The following ATP10B variants were observed in gnomAD, a reference collection of about 807,000 sequenced individuals.
ATP10B encodes ATPase phospholipid transporting 10B (putative).
In ATP10B, 122 loss-of-function variants were observed where a neutral mutation model predicts 141.2. The ratio of observed to expected loss-of-function variants is 0.86; its 90% confidence interval spans 0.75 to 1.00. The LOEUF is 1.00. Ranked by LOEUF, ATP10B falls within the 50% of genes least tolerant of loss-of-function variation. The pLI, the probability that ATP10B is intolerant of heterozygous loss-of-function variation, is 0.00. For synonymous variants in ATP10B, 685 were observed against 692.0 expected (o/e 0.99, Z 0.16); for missense variants, 1,876 against 1,825.3 (o/e 1.03, Z -0.51).
chr5:160,566,426 C>T (rs994067133), intron 25 of ATP10B, among the ~76,000 whole-genome samples: 8 of 152,188 alleles, frequency 5.3e-5, no homozygotes, highest in South Asian at 2.1e-4. Flanking sequence ...TTAGAATCCA[C>T]ATTCTTTTCT....
chr5:160,642,715 G>A (rs1466832572), intron 9 of ATP10B, among the ~76,000 whole-genome samples: 2 of 152,210 alleles, frequency 1.3e-5, no homozygotes, highest in South Asian at 2.1e-4. Context: ...CGGGCCTGAT[G>A]TATTCCAACT....
chr5:160,583,923 C>T (rs1444551857), intron 24 of ATP10B, among the ~76,000 whole-genome samples: 1 of 152,154 alleles, frequency 6.6e-6, no homozygotes, highest in African/African-American at 2.4e-5. Context: ...CTGCTGTGCT[C>T]GCAGTGAGAA....
At chr5:160,823,856 A>G (rs1402969100) in intron 1 of ATP10B, among the ~76,000 whole-genome samples, 1 of 152,092 alleles carries the variant, frequency 6.6e-6, no homozygotes, top group Non-Finnish European at 1.5e-5. Flanking sequence ...AAAATAACAT[A>G]TTTCATATAG....
the ATP10B span, among the ~76,000 whole-genome samples, chr5:160,907,206 T>C: frequency 6.6e-6 from 1 of 152,168 alleles, no homozygotes; most frequent in Non-Finnish European, 1.5e-5. Flanking sequence ...CAATAAAAGC[T>C]ACCTGAAATC....
chr5:160,616,612 C>T (rs1758014977), intron 16 of ATP10B, among the ~76,000 whole-genome samples: 1 of 152,234 alleles, frequency 6.6e-6, no homozygotes, highest in Non-Finnish European at 1.5e-5. Flanking sequence ...CTAGTGGCCA[C>T]ATCTTCTTCC....
In ATP10B at chr5:160,686,112, G is replaced by A; in HGVS notation, c.437C>T (p.Ala146Val). 1 of 1,597,496 alleles carries A rather than the reference G, an allele frequency of 6.3e-7. No homozygotes were observed. The highest frequency in any genetic ancestry group is 1.7e-5 in the Admixed American group (1 of 58,204). ...EDFKRHRFDK[A>V]INCSNIRIYE... ...AATTCGAATGTTGGAGCAGTTTATT[G>A]CTTTATCAAAGCGGTGTCTCTTGAA... The change falls in exon 6 of 26, where the codon GCA (alanine) becomes GTA (valine). Residue 146 changes from alanine (A) to valine (V), a missense_variant. Transcript: ENST00000327245.
chr5:160,834,804 G>A (rs1304698227), intron 1 of ATP10B, among the ~76,000 whole-genome samples: 1 of 152,028 alleles, frequency 6.6e-6, no homozygotes, highest in African/African-American at 2.4e-5. Flanking sequence ...TAATTAACAT[G>A]ACAGGCTTTT....
intron 24 of ATP10B, among the ~76,000 whole-genome samples, chr5:160,583,274 T>C (rs2127603477): frequency 6.6e-6 from 1 of 152,160 alleles, no homozygotes; most frequent in Non-Finnish European, 1.5e-5. Context: ...CTGTATGGGC[T>C]TTTTTTTGTT....
intron 1 of ATP10B, among the ~76,000 whole-genome samples, chr5:160,834,895 T>G (rs962295341): frequency 6.6e-6 from 1 of 152,158 alleles, no homozygotes; most frequent in Admixed American, 6.6e-5. Flanking sequence ...TTAGTCTGTA[T>G]GCATCTATAG....
chr5:160,745,698 G>C (rs986336853), intron 2 of ATP10B, among the ~76,000 whole-genome samples: 1 of 152,196 alleles, frequency 6.6e-6, no homozygotes, highest in Non-Finnish European at 1.5e-5. Flanking sequence ...GCTGGGCTTT[G>C]ACACATACAA....
At chr5:160,870,315 G>T in the ATP10B span, among the ~76,000 whole-genome samples, 7 of 151,946 alleles carry the variant, frequency 4.6e-5, no homozygotes, top group African/African-American at 1.7e-4. Flanking sequence ...CTTATTTGTG[G>T]CTGTTTCTTT....
rs141797028 is a variant in ATP10B at position 160,732,586 on chromosome 5, C to T, written c.-330-15552G>A. Among the ~76,000 whole-genome samples, 481 of 152,266 alleles carry T rather than the reference C, an allele frequency of 3.2e-3. 2 individuals carry two copies. The highest frequency in any genetic ancestry group is 0.011 in the African/African-American group (455 of 41,576). ...TTTTCCCAGTGTAAGTTCTTGGCAA[C>T]GTTGTCAAGTCAGTTGGTTGTAAAT... is the stretch of plus-strand genomic sequence containing the variant. On this transcript the variant is annotated intron_variant, in intron 2 of 25. Transcript: ENST00000327245.
intron 14 of ATP10B, 82 bp from the exon 15 acceptor site, chr5:160,621,032 AC>A: frequency 6.7e-7 from 1 of 1,487,004 alleles, no homozygotes; most frequent in Non-Finnish European, 9.0e-7. Flanking sequence ...ATATGAAGGT[AC>A]TTTTGCAATA....
At chr5:160,820,849 T>G (rs1395582353) in intron 1 of ATP10B, among the ~76,000 whole-genome samples, 1 of 152,096 alleles carries the variant, frequency 6.6e-6, no homozygotes, top group Non-Finnish European at 1.5e-5. Context: ...CATCCCTTTA[T>G]GATAAAAACC....
chr5:160,891,330 ATG>A, the ATP10B span, among the ~76,000 whole-genome samples: 1 of 152,142 alleles, frequency 6.6e-6, no homozygotes, highest in African/African-American at 2.4e-5. Context: ...TCCCATCAGT[ATG>A]TGTCCTTCAC....
In ATP10B at chr5:160,563,559, G is replaced by A. The variant is rs1754371622; in HGVS notation, c.*1894C>T. 1 of 152,112 alleles carries A rather than the reference G, an allele frequency of 6.6e-6. No individual in the cohort carries two copies. Among genetic ancestry groups the A allele is most frequent in the African/African-American group, 2.4e-5 (1 of 41,408 alleles). The allele number at this position is 152,112 out of a possible 1,614,324, so 9.4% of individuals were successfully genotyped here. A position where few individuals can be genotyped will look rare whatever the true frequency, so the allele number is the denominator to read the frequency against. Reference sequence around the variant, plus strand: ...ATTACTGAGGGTGTTACAGCTTTCAGAGGCTTTTTTACCACTGGGTTTCAT... The same window carrying A: ...ATTACTGAGGGTGTTACAGCTTTCAAAGGCTTTTTTACCACTGGGTTTCAT... On this transcript the variant is annotated 3_prime_UTR_variant, in exon 26 of 26. Coordinates refer to ENST00000327245, the MANE Select transcript of ATP10B (RefSeq NM_025153.3).
intron 2 of ATP10B, among the ~76,000 whole-genome samples, chr5:160,769,540 C>A (rs1394157921): frequency 6.6e-6 from 1 of 152,150 alleles, no homozygotes; most frequent in African/African-American, 2.4e-5. Flanking sequence ...GATGTCAGGG[C>A]CTAATTAAAA....
chr5:160,631,101 C>T (rs549699283), intron 13 of ATP10B, among the ~76,000 whole-genome samples: 1 of 152,226 alleles, frequency 6.6e-6, no homozygotes, highest in African/African-American at 2.4e-5. Context: ...AAAAAATTGG[C>T]CAAAAGGACC....
chr5:160,825,365 G>A (rs2127968541), intron 1 of ATP10B, among the ~76,000 whole-genome samples: 1 of 152,252 alleles, frequency 6.6e-6, no homozygotes, highest in Middle Eastern at 3.4e-3. Context: ...CTGTTCTCAT[G>A]GTAATGAGTA....
Sources: allele counts gnomAD v4.1 joint callset (sites outside exome capture counted in the v4.1 genomes callset), GRCh38; gene constraint gnomAD v4.1.1; transcripts MANE v1.5; gene names NCBI Gene and HGNC (gene_info 2026-07-23, HGNC 2026-07-21).